The following ANKS1A variants were observed in gnomAD, a reference collection of about 807,000 sequenced individuals.
ANKS1A encodes the protein ankyrin repeat and sterile alpha motif domain containing 1A, also known as ankyrin repeat and SAM domain-containing protein 1A.
In ANKS1A, 55 loss-of-function variants were observed where a neutral mutation model predicts 120.3. The ratio of observed to expected loss-of-function variants is 0.46; its 90% CI spans 0.37 to 0.57. The LOEUF is 0.57. Ranked by LOEUF, ANKS1A falls within the 20% of genes least tolerant of loss-of-function variation. The pLI, the probability that ANKS1A is intolerant of heterozygous loss-of-function variation, is 0.00. For synonymous variants in ANKS1A, 590 were observed against 604.7 expected, an observed-to-expected ratio of 0.98 and a Z score of 0.36; for missense variants, 1,123 against 1,480.3, an observed-to-expected ratio of 0.76 and a Z score of 3.96.
At chr6:35,088,423 G>C (rs917913814) in intron 23 of ANKS1A, among the ~76,000 whole-genome samples, 183 bp from the exon 24 acceptor site, 6 of 151,562 alleles carry the variant, frequency 4.0e-5, no homozygotes, top group African/African-American at 1.5e-4. Flanking sequence ...TTCCTGAGCA[G>C]AGTCACTGAG....
At chr6:35,026,546 C>T (rs1049020025) in intron 11 of ANKS1A, among the ~76,000 whole-genome samples, 1 of 152,084 alleles carries the variant, frequency 6.6e-6, no homozygotes, top group East Asian at 1.9e-4. Context: ...GAGAACAATA[C>T]AGCCAAGAAC....
chr6:35,049,221 AG>A (rs1775859538), intron 11 of ANKS1A, among the ~76,000 whole-genome samples: 1 of 152,052 alleles, frequency 6.6e-6, no homozygotes, highest in South Asian at 2.1e-4. Context: ...AGGGAAAGGG[AG>A]TTAGAGAATT....
Position 34,992,862 on chromosome 6 carries a change from C to T in ANKS1A, c.1303-1440C>T, listed in dbSNP as rs116103945. 7.4e-3 allele frequency among the ~76,000 whole-genome samples: 1,134 copies of T among 152,246 alleles called. 21 individuals are homozygous for T. The highest frequency in any genetic ancestry group is 0.026 in the African/African-American group (1,076 of 41,540). On this transcript the variant is annotated intron_variant, in intron 9 of 23. Coordinates refer to ENST00000360359, the MANE Select transcript of ANKS1A (RefSeq NM_015245.3). ...AGCTGCAGTTTCTTGTTTAGTCTGA[C>T]GCTACTAGAGTCCTTGTTGTCTCAT... is the stretch of plus-strand genomic sequence containing the variant.
At chr6:34,898,189 A>G (rs1449005141) in intron 1 of ANKS1A, among the ~76,000 whole-genome samples, 1 of 152,172 alleles carries the variant, frequency 6.6e-6, no homozygotes, top group African/African-American at 2.4e-5. Flanking sequence ...CATATCTTTT[A>G]TTGATGTTGC....
At chr6:34,972,516 G>C in intron 3 of ANKS1A, 1 of 844,324 alleles carries the variant, frequency 1.2e-6, no homozygotes, top group Non-Finnish European at 1.4e-6. Flanking sequence ...CCTCAGGGCT[G>C]TGTATTGCTT....
Position 35,086,911 on chromosome 6 carries a change from C to T in ANKS1A, c.3304-41C>T. The T allele has an allele frequency of 1.2e-6, 2 of 1,600,924 alleles. No homozygotes were observed. Among genetic ancestry groups the T allele is most frequent in the East Asian group, 2.2e-5 (1 of 44,824 alleles). On this transcript the variant is annotated intron_variant, in intron 22 of 23. Transcript: ENST00000360359. This position sits in a 1 kb window ranked among gnomAD's most constrained non-coding sequence, Gnocchi z 5.1. Reference sequence around the variant, plus strand: ...GGGCCTGCTGCCTCCAGCCCTGGCACAGAGCTCCCTCTGACTCTTGACTGC... The same window carrying T: ...GGGCCTGCTGCCTCCAGCCCTGGCATAGAGCTCCCTCTGACTCTTGACTGC...
chr6:35,063,397 T>TGCCCTTCACTCAGCCTGAC (rs1322256040), intron 13 of ANKS1A, among the ~76,000 whole-genome samples: 1 of 152,262 alleles, frequency 6.6e-6, no homozygotes, highest in African/African-American at 2.4e-5. Context: ...GCAGGTCTGA[T>TGCCCTTCACTCAGCCTGAC]GCCCTTCACT....
intron 1 of ANKS1A, among the ~76,000 whole-genome samples, chr6:34,906,633 A>G (rs1238249592): frequency 2.6e-5 from 4 of 152,260 alleles, no homozygotes. Flanking sequence ...ATAGAAAATC[A>G]CCATTAGCAT....
intron 10 of ANKS1A, among the ~76,000 whole-genome samples, chr6:35,000,945 T>G (rs180799616): frequency 3.0e-4 from 46 of 152,318 alleles, no homozygotes; most frequent in Admixed American, 1.6e-3. Context: ...TCAGTTTTTC[T>G]GTGAACTGGA....
intron 3 of ANKS1A, among the ~76,000 whole-genome samples, chr6:34,976,098 AC>A (rs34666318): frequency 1.0e-4 from 14 of 140,002 alleles, no homozygotes; most frequent in African/African-American, 3.3e-4. Flanking sequence ...AGGTTACGCC[AC>A]TGCACTCCAA....
At chr6:34,920,750 A>G (rs535630606) in intron 1 of ANKS1A, among the ~76,000 whole-genome samples, 21 of 152,274 alleles carry the variant, frequency 1.4e-4, no homozygotes, top group African/African-American at 5.1e-4. Context: ...AAATAAAAGA[A>G]TGATGTAAAG....
rs139730306 is a variant in ANKS1A, at chr6:34,897,447, T to TG, written c.197+7851dup. The stretch of plus-strand genomic sequence containing the variant: ...GTCTTTCATAGGGAAAGTAAATTAC[T>TG]GGGTTTTTAGCCCAGAAACACTAAG... On this transcript the variant is annotated intron_variant, in intron 1 of 23. Coordinates refer to ENST00000360359, the MANE Select transcript of ANKS1A (RefSeq NM_015245.3). Among the ~76,000 whole-genome samples, 43 of 152,332 alleles carry TG rather than the reference T, an allele frequency of 2.8e-4. No individual in the cohort carries two copies. In the East Asian group the frequency reaches 7.7e-3, roughly 27 times the overall value.
chr6:34,988,717 C>T (rs894866271), intron 8 of ANKS1A, among the ~76,000 whole-genome samples: 1 of 152,150 alleles, frequency 6.6e-6, no homozygotes, highest in African/African-American at 2.4e-5. Context: ...TGGGAGTAGA[C>T]CAGTATCAGA....
chr6:34,941,751 G>A (rs1769549038), intron 1 of ANKS1A, among the ~76,000 whole-genome samples: 1 of 152,144 alleles, frequency 6.6e-6, no homozygotes, highest in South Asian at 2.1e-4. Flanking sequence ...CCTTAAAATT[G>A]ACAGCCGTTC....
At chr6:34,909,947 G>A (rs996973538) in intron 1 of ANKS1A, among the ~76,000 whole-genome samples, 10 of 152,244 alleles carry the variant, frequency 6.6e-5, no homozygotes, top group African/African-American at 2.4e-4. Flanking sequence ...TGCCTGGTAT[G>A]TAGGAGGGAG....
chr6:34,899,062 T>G (rs1047165339), intron 1 of ANKS1A, among the ~76,000 whole-genome samples: 1 of 152,228 alleles, frequency 6.6e-6, no homozygotes, highest in East Asian at 1.9e-4. Flanking sequence ...CAGCTGAATA[T>G]TCAAATTGCA....
Position 35,079,817 on chromosome 6 carries a change from C to G in ANKS1A, c.2437-4C>G. 2.5e-6 allele frequency: 4 copies of G among 1,583,922 alleles called. No individual in the cohort carries two copies. The highest frequency in any genetic ancestry group is 3.4e-6 in the Non-Finnish European group (4 of 1,164,856). ...CTGTCACCTCGCTGCTCCTCATCAC[C>G]CAGGTCCTGAAGGTCCAGCTGCTCG... On this transcript the variant is annotated splice_polypyrimidine_tract_variant and splice_region_variant and intron_variant, in intron 15 of 23. Coordinates refer to ENST00000360359, the MANE Select transcript of ANKS1A (RefSeq NM_015245.3).
intron 1 of ANKS1A, among the ~76,000 whole-genome samples, chr6:34,898,705 CTTGT>C (rs984738696): frequency 1.6e-4 from 24 of 152,018 alleles, no homozygotes; most frequent in Admixed American, 5.2e-4. Flanking sequence ...GGTGTACAAT[CTTGT>C]TTTTTTCTGT....
Position 34,889,570 on chromosome 6 carries a change from T to C in ANKS1A, c.168T>C (p.Ser56=), listed in dbSNP as rs1455737210. 1.2e-5 allele frequency: 15 copies of C among 1,288,464 alleles called. No individual in the cohort carries two copies. Among genetic ancestry groups the C allele is most frequent in the African/African-American group, 1.5e-5 (1 of 64,992 alleles). The allele number at this position is 1,288,464 out of a possible 1,614,324, so 79.8% of individuals were successfully genotyped here. The change falls in exon 1 of 24, where the codon TCT becomes TCC. Residue 56 remains serine, a synonymous_variant. Coordinates refer to ENST00000360359, the MANE Select transcript of ANKS1A (RefSeq NM_015245.3). This position sits in a 1 kb window ranked among gnomAD's most constrained non-coding sequence, Gnocchi z 5.5. ...GSGGGGGGLG[S]SSHPLSSLLS... is the part of the protein sequence containing the mutation. ...GCGGCGGCGGCGGCGGCCTCGGCTC[T>C]TCCAGCCACCCCCTCTCCAGTCTGC...
Sources: allele counts gnomAD v4.1 joint callset (sites outside exome capture counted in the v4.1 genomes callset), GRCh38; gene constraint gnomAD v4.1.1; non-coding constraint Gnocchi (gnomAD v3.1); transcripts MANE v1.5; gene names NCBI Gene and HGNC (gene_info 2026-07-23, HGNC 2026-07-21).